RYR2: variants seen among roughly 807,000 people sequenced by gnomAD.
RYR2 encodes the protein cardiac muscle ryanodine receptor-calcium release channel.
In RYR2, 227 loss-of-function variants were observed where a neutral mutation model predicts 601.1. The ratio of observed to expected loss-of-function variants is 0.38; its 90% confidence interval spans 0.34 to 0.42. The LOEUF (loss-of-function observed/expected upper bound fraction) is 0.42, where lower values mean the gene tolerates loss of function less well. Ranked by LOEUF, RYR2 falls within the 10% of genes least tolerant of loss-of-function variation. The pLI, the probability that RYR2 is intolerant of heterozygous loss-of-function variation, is 1.00. For synonymous variants in RYR2, 2,223 were observed against 2,175.1 expected, an observed-to-expected ratio of 1.02 and a Z score of -0.61; for missense variants, 4,646 against 6,156.5, an observed-to-expected ratio of 0.75 and a Z score of 8.21.
chr1:237,231,302 CTT>C (rs565733208), intron 1 of RYR2, among the ~76,000 whole-genome samples: 1 of 149,876 alleles, frequency 6.7e-6, no homozygotes, highest in African/African-American at 2.5e-5. Flanking sequence ...GAGATAGTGT[CTT>C]TTTTTCTTTC....
At chr1:237,062,193 T>G (rs1662969938) in intron 1 of RYR2, among the ~76,000 whole-genome samples, 1 of 152,222 alleles carries the variant, frequency 6.6e-6, no homozygotes, top group African/African-American at 2.4e-5. Context: ...GCTCTAAGTC[T>G]TCAAAATTAT....
intron 2 of RYR2, among the ~76,000 whole-genome samples, chr1:237,297,408 A>G (rs575065108): frequency 6.6e-6 from 1 of 152,342 alleles, no homozygotes; most frequent in African/African-American, 2.4e-5. Flanking sequence ...GAAAGTTAAA[A>G]TCATCGTCTG....
Position 237,674,830 on chromosome 1 carries a change from G to A in RYR2, c.8814G>A (p.Gln2938=). 6.2e-7 allele frequency: 1 copy of A among 1,605,406 alleles called. No homozygotes were observed. The highest frequency in any genetic ancestry group is 8.5e-7 in the Non-Finnish European group (1 of 1,172,932). ...TTCGCTATGTGGATGAAGCCCATCAGTATATCCTGGAGTTTGGTAGGTACC... is the reference window on the plus strand; with the variant it reads ...TTCGCTATGTGGATGAAGCCCATCAATATATCCTGGAGTTTGGTAGGTACC... The part of the protein sequence containing the change: ...QLIRYVDEAH[Q]YILEFDGGSR... Residue 2938 remains glutamine (Q), a synonymous_variant, in exon 60 of 105, where the codon CAG becomes CAA. Transcript: ENST00000366574.
intron 3 of RYR2, chr1:237,333,477 C>G (rs529352523): frequency 2.7e-6 from 1 of 375,472 alleles, no homozygotes; most frequent in Non-Finnish European, 5.3e-6. Flanking sequence ...GGAGGTAGCC[C>G]GAGCAACGGG....
intron 42 of RYR2, 126 bp downstream of exon 42, chr1:237,631,667 C>T (rs374287168): frequency 2.9e-5 from 13 of 450,720 alleles, no homozygotes; most frequent in South Asian, 6.0e-5. Context: ...CTCACTCTGT[C>T]GCCCAGGCTG....
intron 1 of RYR2, among the ~76,000 whole-genome samples, chr1:237,222,847 C>T (rs1235764186): frequency 2.0e-5 from 3 of 152,082 alleles, no homozygotes; most frequent in Non-Finnish European, 4.4e-5. Context: ...GGGAGGATTA[C>T]CTGAGGTCAG....
At chr1:237,639,968 C>T (rs762630738) in intron 46 of RYR2, among the ~76,000 whole-genome samples, 6 of 151,984 alleles carry the variant, frequency 3.9e-5, no homozygotes, top group Non-Finnish European at 7.4e-5. Context: ...ACACCATAGC[C>T]GGATTTGCAG....
intron 1 of RYR2, among the ~76,000 whole-genome samples, chr1:237,168,835 G>C (rs892460744): frequency 2.6e-5 from 4 of 152,072 alleles, no homozygotes; most frequent in African/African-American, 9.7e-5. Flanking sequence ...TGATATTTTA[G>C]GCATTGACTT....
intron 1 of RYR2, among the ~76,000 whole-genome samples, chr1:237,230,370 C>T (rs1684852275): frequency 2.0e-5 from 3 of 152,156 alleles, no homozygotes; most frequent in Admixed American, 2.0e-4. Flanking sequence ...GTTATCAAAT[C>T]ACTTCCTGGA....
intron 10 of RYR2, among the ~76,000 whole-genome samples, chr1:237,415,417 A>C (rs1351865784): frequency 6.6e-6 from 1 of 152,186 alleles, no homozygotes; most frequent in African/African-American, 2.4e-5. Context: ...GTGATCCCAA[A>C]CTAACTGATT....
At chr1:237,413,741 A>G (rs1704667086) in intron 10 of RYR2, among the ~76,000 whole-genome samples, 1 of 152,052 alleles carries the variant, frequency 6.6e-6, no homozygotes, top group Non-Finnish European at 1.5e-5. Flanking sequence ...ACACTCTTGC[A>G]TCTTATTGAA....
intron 1 of RYR2, among the ~76,000 whole-genome samples, chr1:237,212,899 G>A (rs920828340): frequency 4.6e-5 from 7 of 151,904 alleles, no homozygotes; most frequent in African/African-American, 1.7e-4. Context: ...AGCCTCTGGA[G>A]TAGCTGGGAT....
chr1:237,257,189 T>C (rs1024613765), intron 1 of RYR2, among the ~76,000 whole-genome samples: 1 of 152,110 alleles, frequency 6.6e-6, no homozygotes, highest in Admixed American at 6.6e-5. Context: ...AGCATAGATT[T>C]TGGAATTGTG....
At position 237,798,801 on chromosome 1, in the gene RYR2, C is replaced by CACATAT. The variant is rs3835529; in HGVS notation, c.14090+632_14090+633insCATATA. The stretch of plus-strand genomic sequence containing the variant: ...TCACACACACACACACACACACACA[C>CACATAT]ATATAGTGTGAGTGTACAGATATAT... On this transcript the variant is annotated intron_variant, in intron 97 of 104. Transcript: ENST00000366574. 8.5e-3 allele frequency among the ~76,000 whole-genome samples: 1,268 copies of CACATAT among 148,386 alleles called. 19 individuals carry two copies. Among genetic ancestry groups the CACATAT allele is most frequent in the African/African-American group, 0.031 (1,210 of 38,680 alleles).
At position 237,687,364 on chromosome 1, in the gene RYR2, TTC is replaced by T. The variant is rs375655286; in HGVS notation, c.9018-89_9018-88del. The T allele has an allele frequency of 7.3e-3, 3,803 of 521,934 alleles. 93 individuals are homozygous for T. Among genetic ancestry groups the T allele is most frequent in the South Asian group, 0.017 (756 of 45,198 alleles). 32.3% of individuals were successfully genotyped at this position (521,934 alleles called of 1,614,324 possible). A position where few individuals can be genotyped will look rare whatever the true frequency, so the allele number is the denominator to read the frequency against. ...AGCTGTTTTTTTTTCTTTTTTCTTC[TTC>T]TTTTTTTTTTTTTTTTTTAATTTCC... On this transcript the variant is annotated intron_variant, in intron 62 of 104. Coordinates refer to ENST00000366574, the MANE Select transcript of RYR2 (RefSeq NM_001035.3).
chr1:237,231,119 A>G (rs1684953111), intron 1 of RYR2, among the ~76,000 whole-genome samples: 1 of 151,002 alleles, frequency 6.6e-6, no homozygotes, highest in African/African-American at 2.5e-5. Context: ...ATATCAAGGA[A>G]TATCAAATAA....
At chr1:237,196,708 C>T (rs902375931) in intron 1 of RYR2, among the ~76,000 whole-genome samples, 1 of 152,122 alleles carries the variant, frequency 6.6e-6, no homozygotes, top group Admixed American at 6.6e-5. Flanking sequence ...ATGAGAAGTA[C>T]TCTACCTTGC....
intron 1 of RYR2, among the ~76,000 whole-genome samples, chr1:237,152,435 T>C (rs1674824465): frequency 6.6e-6 from 1 of 152,212 alleles, no homozygotes; most frequent in Admixed American, 6.5e-5. Flanking sequence ...GCACACTATC[T>C]TCCACAATGG....
chr1:237,098,808 A>C (rs555801752), intron 1 of RYR2, among the ~76,000 whole-genome samples: 1 of 152,214 alleles, frequency 6.6e-6, no homozygotes, highest in African/African-American at 2.4e-5. Context: ...AAGGATACAA[A>C]GTTTCAGTTG....
Sources: gnomAD v4.1 joint callset for allele counts (sites outside exome capture counted in the v4.1 genomes callset) on GRCh38, gnomAD v4.1.1 for gene constraint, MANE v1.5 for transcripts, NCBI Gene and HGNC (gene_info 2026-07-23, HGNC 2026-07-21) for gene names.